CC2D2B: variants seen among roughly 807,000 people sequenced by gnomAD.
CC2D2B encodes the protein protein CC2D2B.
Under a neutral mutation model 161.2 loss-of-function variants are expected in CC2D2B, and 128 were observed. That is an observed-to-expected ratio of 0.79 (90% confidence interval 0.69 to 0.92). The LOEUF (loss-of-function observed/expected upper bound fraction) is 0.92. Among genes scored for constraint, CC2D2B ranks in the 40% least tolerant of loss-of-function variants. CC2D2B has a pLI of 0.00. For missense variants in CC2D2B, 1,173 were observed against 1,375.1 expected (o/e 0.85, Z 2.32); for synonymous variants, 391 against 449.8 (o/e 0.87, Z 1.65).
intron 16 of CC2D2B, 92 bp from the exon 17 acceptor site, chr10:95,973,917 G>C (rs1350370819): frequency 1.0e-5 from 5 of 485,720 alleles, no homozygotes; most frequent in Non-Finnish European, 1.6e-5. Flanking sequence ...TGTGTTCCTA[G>C]AGTTCCACAA....
intron 33 of CC2D2B, 136 bp downstream of exon 33, chr10:96,025,047 A>C: frequency 2.4e-6 from 1 of 418,640 alleles, no homozygotes; most frequent in East Asian, 4.9e-5. Flanking sequence ...AGTGGCTCAC[A>C]CCTATAATCG....
intron 33 of CC2D2B, among the ~76,000 whole-genome samples, chr10:96,025,189 AAAAATATAT>A (rs2079690420): frequency 9.3e-5 from 5 of 53,818 alleles, no homozygotes; most frequent in Non-Finnish European, 1.9e-4. Context: ...ATATATAAAA[AAAAATATAT>A]ATATATATAT....
chr10:95,968,970 A>G lies in CC2D2B; in HGVS notation c.1644+69A>G, dbSNP rs1426622117. 1.4e-4 allele frequency: 94 copies of G among 695,000 alleles called. No homozygotes were observed. In the East Asian group the frequency reaches 3.2e-3, roughly 23 times the overall value. The allele number at this position is 695,000 out of a possible 1,614,324, so 43.1% of individuals were successfully genotyped here. A position where few individuals can be genotyped will look rare whatever the true frequency, so the allele number is the denominator to read the frequency against. The stretch of plus-strand genomic sequence containing the variant: ...CATAATTTAAAATTTTTTGTTAGCT[A>G]CAGTTATATGTGATAAGTAATTTCT... On this transcript the variant is annotated intron_variant, in intron 15 of 34. Coordinates refer to ENST00000646931, the MANE Select transcript of CC2D2B (RefSeq NM_001349008.3).
At chr10:95,959,879 T>A (rs1032785451) in intron 11 of CC2D2B, among the ~76,000 whole-genome samples, 2 of 152,160 alleles carry the variant, frequency 1.3e-5, no homozygotes, top group African/African-American at 2.4e-5. Flanking sequence ...ATTAGCCTAT[T>A]AGGCAAAGTA....
At chr10:95,981,448 C>T (rs896184792) in intron 17 of CC2D2B, among the ~76,000 whole-genome samples, 1 of 150,650 alleles carries the variant, frequency 6.6e-6, no homozygotes, top group Admixed American at 6.6e-5. Flanking sequence ...CAAGGATGGT[C>T]CTCTGGCACA....
intron 12 of CC2D2B, among the ~76,000 whole-genome samples, chr10:95,962,449 G>A (rs1350804854): frequency 6.6e-6 from 1 of 152,100 alleles, no homozygotes; most frequent in East Asian, 1.9e-4. Flanking sequence ...ATTGCTGATG[G>A]GAATGCAAAA....
chr10:95,964,364 G>T (rs2076869173), intron 12 of CC2D2B, among the ~76,000 whole-genome samples: 1 of 152,032 alleles, frequency 6.6e-6, no homozygotes, highest in South Asian at 2.1e-4. Context: ...AAAAATGACT[G>T]TTCTAATTTA....
In CC2D2B at chr10:95,936,874, G is replaced by A. The variant is rs556054843; in HGVS notation, c.337-1117G>A. On this transcript the variant is annotated intron_variant, in intron 6 of 34. Coordinates refer to ENST00000646931, the MANE Select transcript of CC2D2B (RefSeq NM_001349008.3). ...GGTGGAAAGCCCTGGCCCACACAAGGGGTGTTATAAAGGAAGCTTGGTTAT... is the reference window on the plus strand; with the variant it reads ...GGTGGAAAGCCCTGGCCCACACAAGAGGTGTTATAAAGGAAGCTTGGTTAT... 2.0e-4 allele frequency among the ~76,000 whole-genome samples: 30 copies of A among 152,290 alleles called. 1 individual carries two copies. The South Asian group carries it at 5.8e-3, about 29-fold the overall frequency.
rs774230735 is a variant in CC2D2B, at chr10:96,031,881, A to G, written c.4187A>G (p.Tyr1396Cys). 17 of 1,613,694 alleles carry G rather than the reference A, an allele frequency of 1.1e-5. No homozygotes were observed. In the African/African-American group the frequency reaches 2.1e-4, roughly 20 times the overall value. Reference protein sequence around the residue: ...IDVQSIIDAVYQTGIHSAEFP... With the variant: ...IDVQSIIDAVCQTGIHSAEFP... ...GTACAGTCAATTATTGATGCTGTTTATCAAACTGGAATTCACTCTGCTGAA... is the reference window on the plus strand; with the variant it reads ...GTACAGTCAATTATTGATGCTGTTTGTCAAACTGGAATTCACTCTGCTGAA... The change falls in exon 35 of 35, where the codon TAT (tyrosine) becomes TGT (cysteine). Residue 1396 changes from tyrosine to cysteine, a missense_variant. This residue lies in a region of CC2D2B where 598 missense variants were observed against 693.2 expected (regional missense o/e 0.86). Transcript: ENST00000646931.
chr10:95,938,064 A>C lies in CC2D2B; in HGVS notation c.410A>C (p.Glu137Ala). ...VNLQNVAESEEEEFMKEFILT... is the reference protein window; with the variant it reads ...VNLQNVAESEAEEFMKEFILT... ...TTACAAAATGTTGCTGAGAGTGAAG[A>C]GGAAGAGTTTATGAAAGAATTCATT... Residue 137 changes from glutamate to alanine, a missense_variant, in exon 7 of 35, where the codon GAG becomes GCG. Physicochemically the swap from Glu to Ala is moderately radical, Grantham distance 107. This residue lies in a region of CC2D2B where 298 missense variants were observed against 261.2 expected (regional missense o/e 1.14). Coordinates refer to ENST00000646931, the MANE Select transcript of CC2D2B (RefSeq NM_001349008.3). 1 of 1,550,680 alleles carries C rather than the reference A, an allele frequency of 6.4e-7. No homozygotes were observed. Among genetic ancestry groups the C allele is most frequent in the East Asian group, 2.4e-5 (1 of 40,882 alleles).
At chr10:95,989,441 G>C (rs373213448) in intron 20 of CC2D2B, among the ~76,000 whole-genome samples, 107 of 152,234 alleles carry the variant, frequency 7.0e-4, no homozygotes, top group African/African-American at 2.4e-3. Flanking sequence ...ACTGGCAGCT[G>C]TTTTTCCCAC....
intron 6 of CC2D2B, among the ~76,000 whole-genome samples, chr10:95,930,202 T>C (rs139391547): frequency 3.9e-5 from 6 of 152,324 alleles, no homozygotes; most frequent in African/African-American, 1.4e-4. Flanking sequence ...TGTTTGTCTG[T>C]TATTGGTGTA....
At chr10:96,009,100 T>C (rs1298742514) in intron 25 of CC2D2B, among the ~76,000 whole-genome samples, 1 of 152,148 alleles carries the variant, frequency 6.6e-6, no homozygotes, top group African/African-American at 2.4e-5. Flanking sequence ...GTTATAAATA[T>C]AGTGACTCGG....
At chr10:96,029,297 T>TATATGTATATAC (rs2079961014) in intron 34 of CC2D2B, among the ~76,000 whole-genome samples, 1 of 132,780 alleles carries the variant, frequency 7.5e-6, no homozygotes, top group Non-Finnish European at 1.6e-5. Context: ...TATATATATA[T>TATATGTATATAC]ATATATATGT....
chr10:96,000,139 T>A (rs2078413013), intron 24 of CC2D2B: 8 of 1,471,350 alleles, frequency 5.4e-6, no homozygotes, highest in Non-Finnish European at 7.2e-6. Flanking sequence ...AATATCACCT[T>A]TCTTATAGAT....
intron 6 of CC2D2B, among the ~76,000 whole-genome samples, chr10:95,928,808 A>G (rs1398740593): frequency 6.6e-6 from 1 of 152,022 alleles, no homozygotes; most frequent in Non-Finnish European, 1.5e-5. Flanking sequence ...TCTATCATTG[A>G]TGGGCATTTG....
chr10:95,941,961 G>A lies in CC2D2B; in HGVS notation c.801+3036G>A, dbSNP rs138294008. The stretch of plus-strand genomic sequence containing the variant: ...ACAACCTAGCTGTTCATTGACAGTT[G>A]AATAAAGAAAACATGGTGTATGTAG... On this transcript the variant is annotated intron_variant, in intron 9 of 34. Transcript: ENST00000646931. 3.3e-3 allele frequency among the ~76,000 whole-genome samples: 510 copies of A among 152,240 alleles called. 1 individual carries two copies. Among genetic ancestry groups the A allele is most frequent in the African/African-American group, 0.012 (493 of 41,564 alleles).
intron 24 of CC2D2B, chr10:96,000,301 T>G: frequency 1.5e-6 from 1 of 648,890 alleles, no homozygotes; most frequent in South Asian, 6.9e-5. Flanking sequence ...TTTCTCTATT[T>G]TTCTATTGTT....
intron 11 of CC2D2B, among the ~76,000 whole-genome samples, chr10:95,959,947 T>C (rs142000546): frequency 3.3e-5 from 5 of 152,292 alleles, no homozygotes; most frequent in Non-Finnish European, 5.9e-5. Flanking sequence ...AATAAATACA[T>C]TATACAATTT....
Sources: gnomAD v4.1 joint callset for allele counts (sites outside exome capture counted in the v4.1 genomes callset) on GRCh38, gnomAD v4.1.1 for gene constraint, gnomAD v4.1.1 regional missense constraint, MANE v1.5 for transcripts, NCBI Gene and HGNC (gene_info 2026-07-23, HGNC 2026-07-21) for gene names.